Variants in C12orf54 observed in about 807,000 individuals in gnomAD.
The protein encoded by C12orf54 is chromosome 12 open reading frame 54.
Under a neutral mutation model 26.4 loss-of-function variants are expected in C12orf54, and 24 were observed. The observed-to-expected ratio is 0.91, with a 90% CI of 0.66 to 1.28. C12orf54 has a LOEUF of 1.28. Ranked by LOEUF, C12orf54 falls within the 50% of genes most tolerant of loss-of-function variation. The pLI is 0.00. For synonymous variants in C12orf54, 54 were observed against 47.0 expected (o/e 1.15, Z -0.61); for missense variants, 154 against 150.9 (o/e 1.02, Z -0.11).
chr12:48,430,851 T>C, the C12orf54 span, among the ~76,000 whole-genome samples: 1 of 152,322 alleles, frequency 6.6e-6, no homozygotes, highest in African/African-American at 2.4e-5. Context: ...TGCACATGCA[T>C]GCTTATAGCA....
the C12orf54 span, among the ~76,000 whole-genome samples, chr12:48,433,833 G>A: frequency 9.7e-4 from 148 of 152,300 alleles, no homozygotes; most frequent in African/African-American, 3.5e-3. Context: ...CTCCCAGCGT[G>A]AGCAATGCAG....
At chr12:48,463,401 A>G in the C12orf54 span, among the ~76,000 whole-genome samples, 8 of 152,158 alleles carry the variant, frequency 5.3e-5, no homozygotes, top group East Asian at 5.8e-4. Context: ...GAACAGACCA[A>G]TAATGATCTC....
At chr12:48,414,289 T>C in the C12orf54 span, among the ~76,000 whole-genome samples, 109 of 152,216 alleles carry the variant, frequency 7.2e-4, 1 homozygote, top group Non-Finnish European at 1.4e-3. Context: ...CAGTTCTTCC[T>C]GGAGATAAGC....
the C12orf54 span, among the ~76,000 whole-genome samples, chr12:48,476,052 C>G: frequency 2.6e-5 from 4 of 152,160 alleles, no homozygotes; most frequent in South Asian, 8.3e-4. Context: ...GATCTCTCGG[C>G]AGAAACTCTA....
chr12:48,452,840 A>G, the C12orf54 span, among the ~76,000 whole-genome samples: 1 of 151,622 alleles, frequency 6.6e-6, no homozygotes, highest in African/African-American at 2.4e-5. Context: ...ATTAAAAATA[A>G]CAGAACTAGC....
At chr12:48,438,873 AG>A in the C12orf54 span, among the ~76,000 whole-genome samples, 4 of 152,336 alleles carry the variant, frequency 2.6e-5, no homozygotes, top group African/African-American at 9.6e-5. Flanking sequence ...AAACACCAAA[AG>A]CAATGGCAAC....
At chr12:48,438,401 T>G in the C12orf54 span, among the ~76,000 whole-genome samples, 12 of 151,646 alleles carry the variant, frequency 7.9e-5, no homozygotes, top group Non-Finnish European at 1.6e-4. Context: ...TGGAAAAAAC[T>G]ACTTTAAAGT....
chr12:48,471,719 G>A, the C12orf54 span, among the ~76,000 whole-genome samples: 22,485 of 151,966 alleles, frequency 0.15, 2,892 homozygotes, highest in East Asian at 0.66. Flanking sequence ...TTTTTGTGTC[G>A]ATACCATGCT....
the C12orf54 span, among the ~76,000 whole-genome samples, chr12:48,433,567 C>A: frequency 1.7e-4 from 26 of 152,032 alleles, no homozygotes; most frequent in African/African-American, 5.6e-4. Context: ...CCTGCCTCAG[C>A]CTCCTGAGTA....
chr12:48,433,105 T>C, the C12orf54 span, among the ~76,000 whole-genome samples: 1 of 152,122 alleles, frequency 6.6e-6, no homozygotes, highest in African/African-American at 2.4e-5. Context: ...AAAAAATAGA[T>C]GGTATCTGGT....
chr12:48,472,570 A>G, the C12orf54 span: 4 of 1,456,246 alleles, frequency 2.7e-6, no homozygotes, highest in Non-Finnish European at 3.8e-6. Flanking sequence ...AGAACCCAGC[A>G]GAGCTGGTTG....
chr12:48,466,642 A>C, the C12orf54 span, among the ~76,000 whole-genome samples: 1 of 152,096 alleles, frequency 6.6e-6, no homozygotes, highest in African/African-American at 2.4e-5. Context: ...AACACTACAC[A>C]CCTATTAGGA....
At chr12:48,494,680 T>C in intron 7 of C12orf54, 118 bp from the exon 8 acceptor site, 1 of 1,106,660 alleles carries the variant, frequency 9.0e-7, no homozygotes, top group Non-Finnish European at 1.3e-6. Flanking sequence ...GAGCCTGAGA[T>C]GCCCATTCTT....
At chr12:48,424,561 G>A in the C12orf54 span, among the ~76,000 whole-genome samples, 7 of 152,136 alleles carry the variant, frequency 4.6e-5, no homozygotes, top group Non-Finnish European at 5.9e-5. Flanking sequence ...GCAAATATTA[G>A]CAAGGATTTG....
At chr12:48,486,241 T>TTA in intron 3 of C12orf54, 33 bp downstream of exon 3, 2 of 1,593,892 alleles carry the variant, frequency 1.3e-6, no homozygotes, top group South Asian at 2.2e-5. Context: ...CTGGATCCTC[T>TTA]GGGGCTTCTA....
intron 7 of C12orf54, among the ~76,000 whole-genome samples, chr12:48,493,627 TAAAAAA>T (rs10535607): frequency 0.14 from 16,980 of 124,232 alleles, 1,427 homozygotes; most frequent in Non-Finnish European, 0.2. Flanking sequence ...ACTGTCTCAT[TAAAAAA>T]AAAAAAAAAA....
the C12orf54 span, among the ~76,000 whole-genome samples, chr12:48,431,144 T>C: frequency 2.0e-5 from 3 of 151,970 alleles, no homozygotes; most frequent in Admixed American, 6.6e-5. Flanking sequence ...TGGGAACTTG[T>C]GGGGAAGGGT....
At chr12:48,489,590 A>AT (rs1262039980) in intron 5 of C12orf54, among the ~76,000 whole-genome samples, 1 of 151,382 alleles carries the variant, frequency 6.6e-6, no homozygotes, top group East Asian at 1.9e-4. Flanking sequence ...CTTTTTTTGT[A>AT]TTTTTTTGTA....
chr12:48,484,358 T>A (rs1428177086), intron 2 of C12orf54, among the ~76,000 whole-genome samples: 1 of 152,174 alleles, frequency 6.6e-6, no homozygotes, highest in Admixed American at 6.6e-5. Flanking sequence ...AGAGTATGAA[T>A]TCTCTTCCAG....
Sources: gnomAD v4.1 joint callset for allele counts (sites outside exome capture counted in the v4.1 genomes callset) on GRCh38, gnomAD v4.1.1 for gene constraint, MANE v1.5 for transcripts, NCBI Gene and HGNC (gene_info 2026-07-23, HGNC 2026-07-21) for gene names.